SYT1: variants seen among roughly 807,000 people sequenced by gnomAD.
SYT1 encodes the protein synaptotagmin-1.
In SYT1, 8 loss-of-function variants were observed where a neutral mutation model predicts 44.8. The ratio of observed to expected loss-of-function variants is 0.18; its 90% CI spans 0.10 to 0.32. SYT1 has a LOEUF of 0.32. Among genes scored for constraint, SYT1 ranks in the 10% least tolerant of loss-of-function variants. The pLI, the probability that SYT1 is intolerant of heterozygous loss-of-function variation, is 1.00. For synonymous variants in SYT1, 154 were observed against 188.8 expected, an observed-to-expected ratio of 0.82 and a Z score of 1.51; for missense variants, 286 against 509.3, an observed-to-expected ratio of 0.56 and a Z score of 4.22.
intron 1 of SYT1, among the ~76,000 whole-genome samples, chr12:78,957,746 A>AT (rs1282011972): frequency 2.6e-5 from 4 of 151,140 alleles, no homozygotes; most frequent in Admixed American, 1.3e-4. Flanking sequence ...TCCTGTGCAC[A>AT]TTTTTTTTTA....
At position 78,987,394 on chromosome 12, in the gene SYT1, C is replaced by T. The variant is rs146101639; in HGVS notation, c.-84+9463C>T. Among the ~76,000 whole-genome samples the T allele has an allele frequency of 3.4e-4, 51 of 152,074 alleles. No individual in the cohort carries two copies. In the East Asian group the frequency reaches 6.8e-3, roughly 20 times the overall value. ...ATGAGGTCACATGTTGGCTAAAAGA[C>T]CTCGCAGGCTATGCCCAGAACATTA... On this transcript the variant is annotated intron_variant, in intron 2 of 10. Transcript: ENST00000261205.
intron 2 of SYT1, among the ~76,000 whole-genome samples, chr12:78,992,092 A>C (rs1870058955): frequency 6.6e-6 from 1 of 152,186 alleles, no homozygotes; most frequent in African/African-American, 2.4e-5. Context: ...CTTACAGGGA[A>C]AGAAAAGGAA....
At chr12:78,870,139 T>G (rs997722415) in intron 1 of SYT1, among the ~76,000 whole-genome samples, 9 of 152,070 alleles carry the variant, frequency 5.9e-5, no homozygotes, top group African/African-American at 2.2e-4. Context: ...AGATATAATT[T>G]AAGATATTAT....
At chr12:79,132,674 C>CAAAAAAA (rs71091641) in intron 3 of SYT1, among the ~76,000 whole-genome samples, 1 of 43,716 alleles carries the variant, frequency 2.3e-5, no homozygotes, top group Non-Finnish European at 4.3e-5. Context: ...GGAGTTTTCT[C>CAAAAAAA]AAAAAAAAAA....
intron 1 of SYT1, among the ~76,000 whole-genome samples, chr12:78,903,299 T>TA (rs1875768101): frequency 6.6e-6 from 1 of 151,420 alleles, no homozygotes; most frequent in Admixed American, 6.6e-5. Flanking sequence ...TGTATATATA[T>TA]TTTTGAGATG....
At chr12:79,088,774 G>A (rs969356745) in intron 3 of SYT1, among the ~76,000 whole-genome samples, 2 of 147,956 alleles carry the variant, frequency 1.4e-5, no homozygotes, top group East Asian at 2.1e-4. Context: ...GTGTGTGTGT[G>A]TGTGTATGTG....
intron 8 of SYT1, among the ~76,000 whole-genome samples, chr12:79,300,789 T>TTTTATATA (rs1490670835): frequency 0.015 from 1,361 of 89,538 alleles, 22 homozygotes; most frequent in East Asian, 0.063. Context: ...TGTATACTTA[T>TTTTATATA]TATATATATA....
chr12:79,371,103 A>G (rs1883770400), intron 9 of SYT1, among the ~76,000 whole-genome samples: 1 of 152,212 alleles, frequency 6.6e-6, no homozygotes, highest in African/African-American at 2.4e-5. Context: ...CGTCTTGTTT[A>G]ATCCTATTCA....
chr12:79,130,726 AAT>A (rs1437168024), intron 3 of SYT1, among the ~76,000 whole-genome samples: 3 of 152,238 alleles, frequency 2.0e-5, no homozygotes, highest in East Asian at 3.9e-4. Flanking sequence ...AACTTGCACA[AAT>A]ATAAAGCTCA....
chr12:78,935,863 CT>C, intron 1 of SYT1, among the ~76,000 whole-genome samples: 1 of 152,064 alleles, frequency 6.6e-6, no homozygotes, highest in Non-Finnish European at 1.5e-5. Flanking sequence ...AAGGAGTATA[CT>C]TATCTGTAGC....
At chr12:79,013,227 G>T (rs1871537629) in intron 2 of SYT1, among the ~76,000 whole-genome samples, 1 of 151,210 alleles carries the variant, frequency 6.6e-6, no homozygotes, top group Admixed American at 6.6e-5. Flanking sequence ...TGCAGGGATT[G>T]TGTGTTGGTG....
At chr12:79,008,272 A>G (rs1871214581) in intron 2 of SYT1, among the ~76,000 whole-genome samples, 1 of 151,984 alleles carries the variant, frequency 6.6e-6, no homozygotes, top group Non-Finnish European at 1.5e-5. Flanking sequence ...GGCAAGAGTG[A>G]CTCTGGTTTG....
At chr12:79,269,090 CTTT>C (rs75011106) in intron 4 of SYT1, among the ~76,000 whole-genome samples, 159 of 144,060 alleles carry the variant, frequency 1.1e-3, no homozygotes, top group East Asian at 4.8e-3. Flanking sequence ...TTGCCCTTCT[CTTT>C]TTTTTTTTTT....
intron 1 of SYT1, among the ~76,000 whole-genome samples, chr12:78,898,320 T>C (rs1875473915): frequency 6.6e-6 from 1 of 152,038 alleles, no homozygotes; most frequent in African/African-American, 2.4e-5. Flanking sequence ...CTTAGATAGG[T>C]TGTCCCTATA....
intron 3 of SYT1, among the ~76,000 whole-genome samples, chr12:79,175,781 C>G (rs1484942428): frequency 6.6e-6 from 1 of 152,058 alleles, no homozygotes; most frequent in African/African-American, 2.4e-5. Flanking sequence ...CTGATTTACC[C>G]CTCTATCAGT....
At chr12:79,356,031 T>G (rs1327495449) in intron 9 of SYT1, among the ~76,000 whole-genome samples, 1 of 151,838 alleles carries the variant, frequency 6.6e-6, no homozygotes, top group Non-Finnish European at 1.5e-5. Context: ...GGATTCATCT[T>G]AAATGGGGTT....
intron 3 of SYT1, among the ~76,000 whole-genome samples, chr12:79,187,192 A>C (rs1190142743): frequency 6.6e-6 from 1 of 152,056 alleles, no homozygotes; most frequent in Admixed American, 6.6e-5. Context: ...AGCCCATTCA[A>C]GTGGCAATAC....
chr12:79,397,281 G>A (rs1342384238), intron 9 of SYT1, among the ~76,000 whole-genome samples: 1 of 152,078 alleles, frequency 6.6e-6, no homozygotes, highest in Non-Finnish European at 1.5e-5. Flanking sequence ...CCAGGCTGGA[G>A]TGCAGTGGCA....
intron 3 of SYT1, among the ~76,000 whole-genome samples, chr12:79,214,941 ATG>A (rs71091652): frequency 0.032 from 4,730 of 148,468 alleles, 85 homozygotes; most frequent in South Asian, 0.082. Flanking sequence ...ATGTGTGTAT[ATG>A]TGTGTGTGTG....
Sources: allele counts gnomAD v4.1 joint callset (sites outside exome capture counted in the v4.1 genomes callset), GRCh38; gene constraint gnomAD v4.1.1; transcripts MANE v1.5; gene names NCBI Gene and HGNC (gene_info 2026-07-23, HGNC 2026-07-21).